The following MARCHF8 variants were observed in gnomAD, a reference collection of about 807,000 sequenced individuals.
MARCHF8 encodes membrane associated ring-CH-type finger 8.
In MARCHF8, 40 loss-of-function variants were observed where a neutral mutation model predicts 51.6. That is an observed-to-expected ratio of 0.77 (90% CI 0.60 to 1.01). The LOEUF (loss-of-function observed/expected upper bound fraction) is 1.01, where lower values mean the gene tolerates loss of function less well. Ranked by LOEUF, MARCHF8 falls within the 50% of genes least tolerant of loss-of-function variation. The pLI is 0.00. For synonymous variants in MARCHF8, 263 were observed against 280.3 expected, an observed-to-expected ratio of 0.94 and a Z score of 0.62; for missense variants, 685 against 708.6, an observed-to-expected ratio of 0.97 and a Z score of 0.38.
chr10:45,499,648 C>G (rs193230783), intron 2 of MARCHF8, among the ~76,000 whole-genome samples: 18 of 152,184 alleles, frequency 1.2e-4, no homozygotes, highest in Admixed American at 9.8e-4. Flanking sequence ...TCTTAATATC[C>G]AGACCCCTGC....
At chr10:45,549,711 T>C (rs1208979307) in intron 1 of MARCHF8, among the ~76,000 whole-genome samples, 1 of 152,198 alleles carries the variant, frequency 6.6e-6, no homozygotes, top group Non-Finnish European at 1.5e-5. Flanking sequence ...CCCTCACTAA[T>C]GGATTAATGC....
intron 1 of MARCHF8, among the ~76,000 whole-genome samples, chr10:45,560,420 G>A (rs113395694): frequency 1.4e-4 from 22 of 152,192 alleles, no homozygotes; most frequent in African/African-American, 1.9e-4. Context: ...TTAGGCCTCC[G>A]AACCTGGCCT....
intron 2 of MARCHF8, among the ~76,000 whole-genome samples, chr10:45,512,777 T>C (rs943581552): frequency 1.4e-4 from 22 of 152,070 alleles, no homozygotes; most frequent in Non-Finnish European, 3.1e-4. Context: ...TTTTGTGGAA[T>C]AGAAAGGGGG....
At chr10:45,545,300 G>T (rs538692678) in intron 1 of MARCHF8, among the ~76,000 whole-genome samples, 1 of 152,142 alleles carries the variant, frequency 6.6e-6, no homozygotes, top group Non-Finnish European at 1.5e-5. Context: ...ATAAATGCTG[G>T]TTGGATCAAT....
chr10:45,594,893 G>C (rs924182827), exon 1 of MARCHF8: 3 of 152,216 alleles, frequency 2.0e-5, no homozygotes, highest in Non-Finnish European at 4.4e-5. Context: ...GCCCCTCCGC[G>C]GGAGGACACC....
chr10:45,463,952 TGC>T lies in MARCHF8; in HGVS notation c.285_286del (p.Gln96ValfsTer25). On this transcript the variant is annotated frameshift_variant, in exon 5 of 8. Transcript: ENST00000453424. LOFTEE classifies it high-confidence loss of function. ...AGGAGCTTTCGAGACAACAGCAGAC[TGC>T]ACGGAACTGTGGTGACAACACTCAG... The T allele has an allele frequency of 6.5e-7, 1 of 1,536,138 alleles. No homozygotes were observed. Among genetic ancestry groups the T allele is most frequent in the Non-Finnish European group, 8.7e-7 (1 of 1,146,904 alleles).
chr10:45,508,333 T>TAAAA (rs35317640), intron 2 of MARCHF8, among the ~76,000 whole-genome samples: 1 of 94,912 alleles, frequency 1.1e-5, no homozygotes, highest in Admixed American at 1.1e-4. Flanking sequence ...TCTTTCACAG[T>TAAAA]AAAAAAAAAA....
chr10:45,580,464 C>T (rs2044542747), intron 1 of MARCHF8, among the ~76,000 whole-genome samples: 1 of 152,162 alleles, frequency 6.6e-6, no homozygotes, highest in African/African-American at 2.4e-5. Flanking sequence ...CATGATGGTG[C>T]CTGTCTCACT....
At chr10:45,564,303 A>T (rs1217391191) in intron 1 of MARCHF8, among the ~76,000 whole-genome samples, 1 of 152,120 alleles carries the variant, frequency 6.6e-6, no homozygotes, top group Non-Finnish European at 1.5e-5. Context: ...TATAAAACAG[A>T]ACCAAATAGA....
At chr10:45,496,313 C>A (rs1178293139) in intron 2 of MARCHF8, among the ~76,000 whole-genome samples, 2 of 151,922 alleles carry the variant, frequency 1.3e-5, no homozygotes, top group Non-Finnish European at 2.9e-5. Flanking sequence ...TATATAAAAA[C>A]TATGTTTATA....
intron 2 of MARCHF8, 32 bp from the exon 3 acceptor site, chr10:45,489,449 A>C: frequency 6.4e-7 from 1 of 1,564,306 alleles, no homozygotes; most frequent in Non-Finnish European, 8.8e-7. Context: ...TTTAATTATC[A>C]ATCTTTGATT....
upstream of MARCHF8, among the ~76,000 whole-genome samples, chr10:45,535,625 G>A (rs2043961306): frequency 6.6e-6 from 1 of 152,064 alleles, no homozygotes; most frequent in Non-Finnish European, 1.5e-5. Context: ...CACATATTTA[G>A]GATAAAAATG....
intron 3 of MARCHF8, among the ~76,000 whole-genome samples, chr10:45,477,163 A>G (rs71494790): frequency 0.062 from 9,418 of 152,196 alleles, 330 homozygotes; most frequent in Non-Finnish European, 0.067. Context: ...AGCCTTATAG[A>G]CCAGGAGAGA....
chr10:45,573,791 CT>C (rs2044458690), intron 1 of MARCHF8, among the ~76,000 whole-genome samples: 2 of 152,198 alleles, frequency 1.3e-5, no homozygotes, highest in African/African-American at 4.8e-5. Flanking sequence ...AGGCTACCAA[CT>C]CCACATTACC....
chr10:45,500,595 A>G (rs2043261263), intron 2 of MARCHF8, among the ~76,000 whole-genome samples: 1 of 152,120 alleles, frequency 6.6e-6, no homozygotes, highest in African/African-American at 2.4e-5. Context: ...ATGTTGAGGT[A>G]GTTTCCCTCT....
chr10:45,548,987 C>T (rs1339381225), intron 1 of MARCHF8, among the ~76,000 whole-genome samples: 1 of 148,770 alleles, frequency 6.7e-6, no homozygotes, highest in Non-Finnish European at 1.5e-5. Flanking sequence ...AAGAGCAAGA[C>T]TCCATCTCAA....
intron 1 of MARCHF8, among the ~76,000 whole-genome samples, chr10:45,544,319 T>C (rs2044094051): frequency 6.6e-6 from 1 of 152,224 alleles, no homozygotes; most frequent in South Asian, 2.1e-4. Context: ...GGCAGTTTCC[T>C]AAAAAGTTAA....
At chr10:45,503,390 G>C (rs1050840810) in intron 2 of MARCHF8, among the ~76,000 whole-genome samples, 1 of 151,968 alleles carries the variant, frequency 6.6e-6, no homozygotes, top group Admixed American at 6.5e-5. Context: ...ACAAAAATTA[G>C]CTAGGCATGG....
intron 1 of MARCHF8, among the ~76,000 whole-genome samples, chr10:45,585,642 G>C (rs1279150023): frequency 1.3e-5 from 2 of 152,146 alleles, no homozygotes. Context: ...GATCAGAGAA[G>C]AGAGATGAAG....
Sources: gnomAD v4.1 joint callset for allele counts (sites outside exome capture counted in the v4.1 genomes callset) on GRCh38, gnomAD v4.1.1 for gene constraint, MANE v1.5 for transcripts, NCBI Gene and HGNC (gene_info 2026-07-23, HGNC 2026-07-21) for gene names.